PRAMEF18: variants seen among roughly 807,000 people sequenced by gnomAD.
PRAMEF18 encodes PRAME family member-like.
Under a neutral mutation model 23.7 loss-of-function variants are expected in PRAMEF18, and 15 were observed. That is an observed-to-expected ratio of 0.63 (90% CI 0.42 to 0.97). The LOEUF is 0.97. Ranked by LOEUF, PRAMEF18 falls within the 50% of genes least tolerant of loss-of-function variation. PRAMEF18 has a pLI of 0.00. For synonymous variants in PRAMEF18, 78 were observed against 159.9 expected (o/e 0.49, Z 3.86); for missense variants, 223 against 418.6 (o/e 0.53, Z 4.08).
intron 2 of PRAMEF18, 79 bp downstream of exon 2, chr1:13,224,776 G>A: frequency 1.9e-6 from 3 of 1,608,420 alleles, no homozygotes; most frequent in Admixed American, 3.3e-5. Flanking sequence ...CTGGCACACA[G>A]TAGATGCTGA....
intron 2 of PRAMEF18, 130 bp downstream of exon 2, chr1:13,224,725 C>A: frequency 2.0e-6 from 3 of 1,524,618 alleles, no homozygotes; most frequent in Non-Finnish European, 2.7e-6. Flanking sequence ...CCAAACAGGA[C>A]AATGCATTCT....
exon 2 of PRAMEF18, chr1:13,224,918 T>C: frequency 6.2e-7 from 1 of 1,614,080 alleles, no homozygotes; most frequent in African/African-American, 1.3e-5. Context: ...CATCTGGAGG[T>C]TCTCCAGCCT....
exon 2 of PRAMEF18, chr1:13,224,910 T>C (rs1638819953): frequency 6.8e-6 from 11 of 1,614,060 alleles, no homozygotes; most frequent in Admixed American, 6.7e-5. Flanking sequence ...ACATAAAGCA[T>C]CTGGAGGTTC....
At chr1:13,225,168 C>T (rs1425358472) in exon 2 of PRAMEF18, 1 of 1,612,366 alleles carries the variant, frequency 6.2e-7, no homozygotes, top group African/African-American at 1.3e-5. Context: ...TAATTCACCA[C>T]CTTAGTACAG....
rs1638814173 is a variant in PRAMEF18 at position 13,224,657 on chromosome 1, G to T, written c.866+198C>A. Reference sequence around the variant, plus strand: ...TCCCTCTCTGTAGCTTCTACCCCAGGTCATCCCTCTGCCCTTACTGGAGCG... The same window carrying T: ...TCCCTCTCTGTAGCTTCTACCCCAGTTCATCCCTCTGCCCTTACTGGAGCG... On this transcript the variant is annotated intron_variant, in intron 2 of 2. Transcript: ENST00000624297. The T allele has an allele frequency of 6.8e-6, 7 of 1,025,234 alleles. No homozygotes were observed. In the South Asian group the frequency reaches 8.4e-5, roughly 12 times the overall value. The allele number at this position is 1,025,234 out of a possible 1,614,324, so 63.5% of individuals were successfully genotyped here.
At chr1:13,225,126 A>G (rs1465197936) in exon 2 of PRAMEF18, 2 of 1,613,586 alleles carry the variant, frequency 1.2e-6, no homozygotes, top group African/African-American at 1.3e-5. Flanking sequence ...ACTGTTTCCA[A>G]TATGTTTCTG....
At chr1:13,224,745 T>C in intron 2 of PRAMEF18, 110 bp downstream of exon 2, 2 of 1,581,920 alleles carry the variant, frequency 1.3e-6, no homozygotes. Context: ...TAGTGTCCCC[T>C]TCCCTAGACA....
exon 1 of PRAMEF18, chr1:13,226,019 C>T (rs1394364514): frequency 2.5e-6 from 4 of 1,614,022 alleles, no homozygotes; most frequent in African/African-American, 1.3e-5. Context: ...CTGGGCAGCT[C>T]ATCCAGGACG....
In PRAMEF18 at chr1:13,223,410, C is replaced by T. The variant is rs1030003583; in HGVS notation, c.1362G>A (p.Pro454=). 6.8e-5 allele frequency: 86 copies of T among 1,263,758 alleles called. 13 individuals are homozygous for T. The African/African-American group carries it at 1.4e-3, about 21-fold the overall frequency. 78.3% of individuals were successfully genotyped at this position (1,263,758 alleles called of 1,614,324 possible). Reference sequence around the variant, plus strand: ...ACGTGCCACAGCAAGGGCAGGACACCGGACCAAAGAAGATCCTTTTGGGCT... The same window carrying T: ...ACGTGCCACAGCAAGGGCAGGACACTGGACCAAAGAAGATCCTTTTGGGCT... The change falls in exon 3 of 3, where the codon CCG becomes CCA. Residue 454 remains proline, a synonymous_variant. Coordinates refer to ENST00000624297, the Ensembl canonical transcript of PRAMEF18.
At chr1:13,224,489 C>T (rs1445343401) in intron 2 of PRAMEF18, 2 of 342,388 alleles carry the variant, frequency 5.8e-6, no homozygotes, top group Non-Finnish European at 1.0e-5. Flanking sequence ...AGGTTTGGTG[C>T]ACTTTCTCTT....
chr1:13,225,177 A>G, exon 2 of PRAMEF18: 1 of 1,612,388 alleles, frequency 6.2e-7, no homozygotes, highest in Non-Finnish European at 8.5e-7. Context: ...ACCTTAGTAC[A>G]GCACAGGTGT....
chr1:13,224,760 C>T (rs1218520527), intron 2 of PRAMEF18, 95 bp downstream of exon 2: 3 of 1,598,866 alleles, frequency 1.9e-6, no homozygotes, highest in Admixed American at 3.4e-5. Flanking sequence ...TAGACATCTC[C>T]AGTGGCTGGC....
In PRAMEF18 at chr1:13,225,449, G is replaced by T. The variant is rs1263604969; in HGVS notation, c.288-16C>A. On this transcript the variant is annotated splice_polypyrimidine_tract_variant and intron_variant, in intron 1 of 2. Coordinates refer to ENST00000624297, the Ensembl canonical transcript of PRAMEF18. ...TTTCCACCTCCTGTGAGTAACATAG[G>T]GGAAAAGCTCAGAACGTAGACAAGG... 3 of 1,606,578 alleles carry T rather than the reference G, an allele frequency of 1.9e-6. No homozygotes were observed. The highest frequency in any genetic ancestry group is 3.4e-5 in the Admixed American group (2 of 59,516).
rs1553188539 is a variant in PRAMEF18 at position 13,225,067 on chromosome 1, C to T, written c.654G>A (p.Leu218=). The T allele has an allele frequency of 1.4e-4, 223 of 1,614,122 alleles. No individual in the cohort carries two copies. In the African/African-American group the frequency reaches 2.2e-3, roughly 16 times the overall value. Reference sequence around the variant, plus strand: ...AACGGCTAAACTCTACTATCATACACAGCCAGCACATGTTCCAAATTTCCA... The same window carrying T: ...AACGGCTAAACTCTACTATCATACATAGCCAGCACATGTTCCAAATTTCCA... The change falls in exon 2 of 3, where the codon CTG becomes CTA. Residue 218 remains leucine (L), a synonymous_variant. Transcript: ENST00000624297.
At chr1:13,226,049 C>G (rs1204236148) in exon 1 of PRAMEF18, 2 of 1,613,628 alleles carry the variant, frequency 1.2e-6, no homozygotes, top group African/African-American at 1.3e-5. Flanking sequence ...AAGGCCTGGT[C>G]CCTCAGCAGG....
intron 2 of PRAMEF18, 165 bp downstream of exon 2, chr1:13,224,690 G>A: frequency 1.5e-6 from 2 of 1,311,268 alleles, no homozygotes; most frequent in Non-Finnish European, 2.1e-6. Flanking sequence ...GCGATCCTGT[G>A]ATACCCACTT....
At position 13,225,026 on chromosome 1, in the gene PRAMEF18, C is replaced by T. The variant is rs372744327; in HGVS notation, c.695G>A (p.Arg232Lys). 2.8e-5 allele frequency: 45 copies of T among 1,614,042 alleles called. No homozygotes were observed. In the East Asian group the frequency reaches 2.9e-4, roughly 10 times the overall value. The change falls in exon 2 of 3, where the codon AGG (arginine) becomes AAG (lysine). Residue 232 changes from arginine (R) to lysine (K), a missense_variant. Arg to Lys is a conservative substitution (Grantham distance 26). Coordinates refer to ENST00000624297, the Ensembl canonical transcript of PRAMEF18. ...AGAGATGAAGAGTTTGCGAAGATTCCTCATCTGGCTCAGGTAACGGCTAAA... is the reference window on the plus strand; with the variant it reads ...AGAGATGAAGAGTTTGCGAAGATTCTTCATCTGGCTCAGGTAACGGCTAAA...
chr1:13,225,068 A>C (rs983913117), exon 2 of PRAMEF18: 2 of 1,607,862 alleles, frequency 1.2e-6, no homozygotes, highest in South Asian at 2.2e-5. Flanking sequence ...TATCATACAC[A>C]GCCAGCACAT....
At chr1:13,224,948 T>C in exon 2 of PRAMEF18, 2 of 1,614,104 alleles carry the variant, frequency 1.2e-6, no homozygotes, top group Middle Eastern at 1.7e-4. Context: ...AGAGCTGAAT[T>C]CAGCAACTAA....
Sources: gnomAD v4.1 joint callset for allele counts on GRCh38, gnomAD v4.1.1 for gene constraint, MANE v1.5 for transcripts, NCBI Gene and HGNC (gene_info 2026-07-23, HGNC 2026-07-21) for gene names.